The following ZFHX4 variants were observed in gnomAD, a reference collection of about 807,000 sequenced individuals.
ZFHX4 encodes zinc finger homeobox 4, also known as zinc finger homeobox protein 4.
ZFHX4 carries 56 observed loss-of-function variants against 267.6 expected under a neutral mutation model. The ratio of observed to expected loss-of-function variants is 0.21; its 90% CI spans 0.17 to 0.26. The LOEUF (loss-of-function observed/expected upper bound fraction) is 0.26, where lower values mean the gene tolerates loss of function less well. Among genes scored for constraint, ZFHX4 ranks in the 10% least tolerant of loss-of-function variants. ZFHX4 has a pLI of 1.00. For missense variants in ZFHX4, 4,332 were observed against 4,420.0 expected (o/e 0.98, Z 0.56); for synonymous variants, 1,778 against 1,665.6 (o/e 1.07, Z -1.64).
chr8:76,799,759 A>ATAT (rs1380936603), intron 4 of ZFHX4, among the ~76,000 whole-genome samples: 1 of 152,094 alleles, frequency 6.6e-6, no homozygotes, highest in East Asian at 1.9e-4. Context: ...ATTTGTGAAA[A>ATAT]TATTAAAACA....
intron 4 of ZFHX4, among the ~76,000 whole-genome samples, chr8:76,788,646 A>G (rs1029499805): frequency 6.6e-6 from 1 of 152,208 alleles, no homozygotes; most frequent in South Asian, 2.1e-4. Flanking sequence ...TTGAAGACAT[A>G]TGAAAGCTGA....
intron 3 of ZFHX4, 119 bp downstream of exon 3, chr8:76,708,167 G>A (rs1801880735): frequency 8.1e-7 from 1 of 1,236,750 alleles, no homozygotes; most frequent in African/African-American, 1.5e-5. Flanking sequence ...TCAAAGGGCA[G>A]GGGGCACAGT....
At chr8:76,774,481 A>G (rs1810353400) in intron 3 of ZFHX4, among the ~76,000 whole-genome samples, 2 of 152,150 alleles carry the variant, frequency 1.3e-5, no homozygotes, top group Non-Finnish European at 2.9e-5. Flanking sequence ...TGAGACAATT[A>G]TTCAACTTCA....
rs182047259 is a variant in ZFHX4, at chr8:76,813,289, G to A, written c.3326-20049G>A. On this transcript the variant is annotated intron_variant, in intron 4 of 10. Coordinates refer to ENST00000651372, the MANE Select transcript of ZFHX4 (RefSeq NM_024721.5). ...CTTTTCTAAAGGCACCTTTTTCCCC[G>A]GTACAGTCTCGTAAGAATTTTCTTT... Among the ~76,000 whole-genome samples the A allele has an allele frequency of 2.3e-3, 345 of 152,002 alleles. 1 individual carries two copies. The highest frequency in any genetic ancestry group is 0.015 in the East Asian group (77 of 5,170).
chr8:76,772,967 A>G (rs140659966), intron 3 of ZFHX4, among the ~76,000 whole-genome samples: 12 of 152,166 alleles, frequency 7.9e-5, no homozygotes, highest in African/African-American at 2.4e-4. Flanking sequence ...CATGAAATCT[A>G]TTTCACTACA....
intron 4 of ZFHX4, among the ~76,000 whole-genome samples, chr8:76,791,259 C>T (rs1810828144): frequency 6.6e-6 from 1 of 152,130 alleles, no homozygotes; most frequent in Non-Finnish European, 1.5e-5. Flanking sequence ...TTATACAGAT[C>T]ACACAGCACT....
intron 1 of ZFHX4, among the ~76,000 whole-genome samples, chr8:76,686,025 A>C (rs1807684123): frequency 6.6e-6 from 1 of 152,194 alleles, no homozygotes. Flanking sequence ...ATTTGGAGAG[A>C]GGTCAAAATA....
At chr8:76,787,160 T>G (rs1810713200) in intron 4 of ZFHX4, among the ~76,000 whole-genome samples, 1 of 152,188 alleles carries the variant, frequency 6.6e-6, no homozygotes, top group Admixed American at 6.5e-5. Flanking sequence ...TACTGTCACA[T>G]GAGTCCCCAA....
At chr8:76,739,171 G>T (rs914308414) in intron 3 of ZFHX4, among the ~76,000 whole-genome samples, 4 of 152,136 alleles carry the variant, frequency 2.6e-5, no homozygotes, top group African/African-American at 9.7e-5. Flanking sequence ...ATAGACAACA[G>T]GGTTAGGATA....
intron 3 of ZFHX4, among the ~76,000 whole-genome samples, chr8:76,731,537 T>A (rs554831931): frequency 1.3e-5 from 2 of 152,252 alleles, no homozygotes; most frequent in South Asian, 4.1e-4. Flanking sequence ...ACATGGCCAG[T>A]GAGTACATGG....
rs1358747338 is a variant in ZFHX4 at position 76,778,257 on chromosome 8, A to G, written c.3143A>G (p.Tyr1048Cys). Reference sequence around the variant, plus strand: ...GTGAATCCCGAATCCTGCTATTACTACTGTGCCGTGTGTGATTACACCACC... The same window carrying G: ...GTGAATCCCGAATCCTGCTATTACTGCTGTGCCGTGTGTGATTACACCACC... ...GAVNPESCYY[Y>C]CAVCDYTTKV... Residue 1048 changes from tyrosine to cysteine, a missense_variant, in exon 4 of 11, where the codon TAC (tyrosine) becomes TGC (cysteine). Transcript: ENST00000651372. The G allele has an allele frequency of 1.2e-6, 2 of 1,613,548 alleles. No individual in the cohort carries two copies. The highest frequency in any genetic ancestry group is 1.7e-6 in the Non-Finnish European group (2 of 1,179,736).
At chr8:76,717,342 CA>C (rs1808602656) in intron 3 of ZFHX4, among the ~76,000 whole-genome samples, 1 of 152,152 alleles carries the variant, frequency 6.6e-6, no homozygotes, top group Non-Finnish European at 1.5e-5. Context: ...ATGTAAAGCC[CA>C]AAGTCTTGAT....
At chr8:76,862,596 G>A (rs1014593786) in intron 10 of ZFHX4, among the ~76,000 whole-genome samples, 19 of 152,128 alleles carry the variant, frequency 1.2e-4, no homozygotes, top group African/African-American at 4.6e-4. Flanking sequence ...TTTTCTGCTG[G>A]AACATAGGCA....
chr8:76,744,440 T>C lies in ZFHX4; in HGVS notation c.3094-33768T>C, dbSNP rs570251952. Among the ~76,000 whole-genome samples, 442 of 152,244 alleles carry C rather than the reference T, an allele frequency of 2.9e-3. 2 individuals are homozygous for C. Among genetic ancestry groups the C allele is most frequent in the African/African-American group, 0.01 (418 of 41,568 alleles). ...TCTTATTTTTTTATTTTTGAGACAG[T>C]CTCGCTCTGTCACCCAGGGTGGAGT... On this transcript the variant is annotated intron_variant, in intron 3 of 10. Transcript: ENST00000651372.
chr8:76,777,053 G>A (rs1461993512), intron 3 of ZFHX4, among the ~76,000 whole-genome samples: 1 of 148,890 alleles, frequency 6.7e-6, no homozygotes, highest in African/African-American at 2.5e-5. Context: ...TACCACCTGT[G>A]CCCATTTGTG....
In ZFHX4 at chr8:76,704,674, C is replaced by T; in HGVS notation, c.586C>T (p.His196Tyr). Residue 196 changes from histidine to tyrosine, a missense_variant, in exon 2 of 11, where the codon CAT (histidine) becomes TAT (tyrosine). Physicochemically the swap from His to Tyr is moderately conservative, Grantham distance 83. Around this residue, in one of 7 missense-constraint regions of ZFHX4, gnomAD observed 1,195 missense variants for 1,173.6 expected, o/e 1.02. Coordinates refer to ENST00000651372, the MANE Select transcript of ZFHX4 (RefSeq NM_024721.5). ...CTACCCACAGATCATCAACACTTTT[C>T]ATATCGCTTCATCCCTCGGGAAACC... ...SFYPQIINTF[H>Y]IASSLGKPFT... 6.2e-7 allele frequency: 1 copy of T among 1,614,030 alleles called. No individual in the cohort carries two copies. The highest frequency in any genetic ancestry group is 8.5e-7 in the Non-Finnish European group (1 of 1,179,894).
At chr8:76,836,176 CAA>C (rs1337150159) in intron 5 of ZFHX4, among the ~76,000 whole-genome samples, 1 of 151,894 alleles carries the variant, frequency 6.6e-6, no homozygotes, top group East Asian at 1.9e-4. Context: ...AACAAATAAA[CAA>C]AAAAGTATTT....
At chr8:76,709,712 G>A (rs1317905609) in intron 3 of ZFHX4, among the ~76,000 whole-genome samples, 2 of 151,836 alleles carry the variant, frequency 1.3e-5, no homozygotes, top group South Asian at 2.1e-4. Context: ...AAGGAAGGTG[G>A]GGTGTTATTG....
intron 3 of ZFHX4, among the ~76,000 whole-genome samples, chr8:76,749,932 C>G (rs1255661678): frequency 6.6e-6 from 1 of 152,126 alleles, no homozygotes; most frequent in African/African-American, 2.4e-5. Flanking sequence ...GAGTCAGTAG[C>G]AAATGCATGC....
Sources: gnomAD v4.1 joint callset for allele counts (sites outside exome capture counted in the v4.1 genomes callset) on GRCh38, gnomAD v4.1.1 for gene constraint, gnomAD v4.1.1 regional missense constraint, MANE v1.5 for transcripts, NCBI Gene and HGNC (gene_info 2026-07-23, HGNC 2026-07-21) for gene names.